PFKP: variants seen among roughly 807,000 people sequenced by gnomAD.
The protein encoded by PFKP is ATP-dependent 6-phosphofructokinase, platelet type.
PFKP carries 101 observed loss-of-function variants against 94.3 expected under a neutral mutation model. The observed-to-expected ratio is 1.07, with a 90% CI of 0.91 to 1.26. The LOEUF (loss-of-function observed/expected upper bound fraction) is 1.26. Among genes scored for constraint, PFKP ranks in the 50% most tolerant of loss-of-function variants. The pLI is 0.00. For missense variants in PFKP, 1,145 were observed against 1,103.3 expected (o/e 1.04, Z -0.53); for synonymous variants, 573 against 432.6 (o/e 1.32, Z -4.03).
intron 16 of PFKP, chr10:3,125,378 C>T (rs535720326): frequency 5.9e-6 from 4 of 674,802 alleles, no homozygotes; most frequent in East Asian, 2.2e-4. Flanking sequence ...CTTTATGTCA[C>T]ACTGGCCAGA....
intron 20 of PFKP, 135 bp downstream of exon 20, chr10:3,134,717 A>G (rs1169638695): frequency 3.4e-6 from 2 of 596,066 alleles, no homozygotes; most frequent in Admixed American, 5.4e-5. Context: ...GTGATGTTTT[A>G]CTCCTGATCT....
intron 17 of PFKP, among the ~76,000 whole-genome samples, chr10:3,130,259 C>T (rs191838506): frequency 9.2e-4 from 140 of 152,318 alleles, no homozygotes; most frequent in African/African-American, 3.0e-3. Context: ...TGTTGTCTCA[C>T]TTATGTCACC....
intron 3 of PFKP, 112 bp downstream of exon 3, chr10:3,099,464 C>A: frequency 1.2e-6 from 1 of 817,784 alleles, no homozygotes; most frequent in Non-Finnish European, 2.1e-6. Flanking sequence ...ATTATGTGGA[C>A]AGAACAGACT....
chr10:3,135,065 C>T (rs1218370038), intron 20 of PFKP, among the ~76,000 whole-genome samples: 1 of 152,196 alleles, frequency 6.6e-6, no homozygotes, highest in African/African-American at 2.4e-5. Flanking sequence ...GTTACATATT[C>T]TAAGAAATCT....
chr10:3,128,235 C>G (rs1838168970), intron 16 of PFKP, among the ~76,000 whole-genome samples: 1 of 152,224 alleles, frequency 6.6e-6, no homozygotes, highest in African/African-American at 2.4e-5. Flanking sequence ...TTCCTGTCCT[C>G]ATGGAATTTG....
At chr10:3,121,779 A>G (rs1837430456) in intron 16 of PFKP, among the ~76,000 whole-genome samples, 2 of 133,704 alleles carry the variant, frequency 1.5e-5, no homozygotes, top group Admixed American at 1.5e-4. Context: ...TCTCGAAGCT[A>G]GGTTAAACAA....
intron 16 of PFKP, chr10:3,125,079 T>C: frequency 4.8e-6 from 6 of 1,240,562 alleles, no homozygotes; most frequent in South Asian, 4.4e-5. Flanking sequence ...CGCTAACCGC[T>C]TGGCCCTGCT....
rs142576165 is a variant in PFKP, at chr10:3,099,894, CTG to C, written c.264+547_264+548del. ...TGTGTGAATCTCGGTGTGTGTGTAACTGTGTGAGTCTGGTGTGTGTCTGTATG... is the reference window on the plus strand; with the variant it reads ...TGTGTGAATCTCGGTGTGTGTGTAACTGTGAGTCTGGTGTGTGTCTGTATG... On this transcript the variant is annotated intron_variant, in intron 3 of 21. Transcript: ENST00000381125. Among the ~76,000 whole-genome samples, 571 of 138,436 alleles carry C rather than the reference CTG, an allele frequency of 4.1e-3. 6 individuals are homozygous for C. Among genetic ancestry groups the C allele is most frequent in the Admixed American group, 0.02 (277 of 14,106 alleles). 90.8% of individuals were successfully genotyped at this position (138,436 alleles called of 152,430 possible).
At chr10:3,114,351 T>C (rs1165414479) in intron 13 of PFKP, among the ~76,000 whole-genome samples, 2 of 152,172 alleles carry the variant, frequency 1.3e-5, no homozygotes, top group Admixed American at 6.5e-5. Context: ...GGTTTCATCA[T>C]GTTGGCCAGG....
At chr10:3,127,912 C>G in intron 16 of PFKP, among the ~76,000 whole-genome samples, 1 of 152,208 alleles carries the variant, frequency 6.6e-6, no homozygotes, top group Non-Finnish European at 1.5e-5. Context: ...ATTTATTAAT[C>G]AAAGTGCACT....
At chr10:3,128,651 T>C (rs886333938) in intron 16 of PFKP, among the ~76,000 whole-genome samples, 4 of 142,726 alleles carry the variant, frequency 2.8e-5, no homozygotes, top group Non-Finnish European at 4.8e-5. Flanking sequence ...CCTCCTTCCA[T>C]GTGGGTGTGC....
At chr10:3,109,328 C>A (rs376179119) in intron 9 of PFKP, 27 bp from the exon 10 acceptor site, 1 of 1,606,540 alleles carries the variant, frequency 6.2e-7, no homozygotes, top group South Asian at 1.1e-5. Context: ...GGAGGCTGCC[C>A]CTGACCCACA....
intron 2 of PFKP, among the ~76,000 whole-genome samples, chr10:3,083,430 GAGA>G (rs1377567886): frequency 1.4e-4 from 21 of 152,284 alleles, no homozygotes; most frequent in Non-Finnish European, 2.9e-5. Context: ...CTTTAAAAAT[GAGA>G]AGAAGGTATT....
chr10:3,075,879 T>G (rs1588385626), intron 1 of PFKP, among the ~76,000 whole-genome samples: 1 of 128,452 alleles, frequency 7.8e-6, no homozygotes. Context: ...CACTCCAGCC[T>G]GGGCAACAGA....
intron 14 of PFKP, 130 bp downstream of exon 14, chr10:3,116,976 C>T (rs1315277092): frequency 1.1e-5 from 8 of 747,638 alleles, no homozygotes; most frequent in Non-Finnish European, 1.7e-5. Context: ...GGGGTGCAGG[C>T]AGTTACCGGT....
intron 5 of PFKP, 51 bp from the exon 6 acceptor site, chr10:3,105,064 G>A (rs767428881): frequency 3.8e-6 from 6 of 1,579,666 alleles, no homozygotes; most frequent in African/African-American, 2.7e-5. Flanking sequence ...TGCTCCCTCT[G>A]TTTCTCTGCT....
chr10:3,096,186 T>C (rs995698071), intron 2 of PFKP, among the ~76,000 whole-genome samples: 1 of 152,140 alleles, frequency 6.6e-6, no homozygotes, highest in African/African-American at 2.4e-5. Flanking sequence ...ACTAGTAAAA[T>C]GCTGGGTGGC....
chr10:3,082,256 T>A, intron 1 of PFKP, 132 bp from the exon 2 acceptor site: 1 of 568,276 alleles, frequency 1.8e-6, no homozygotes, highest in Non-Finnish European at 3.2e-6. Context: ...GAGGAGTGTG[T>A]GTACCCATTT....
intron 19 of PFKP, among the ~76,000 whole-genome samples, chr10:3,133,555 CGAG>C (rs1838858780): frequency 6.6e-6 from 1 of 152,192 alleles, no homozygotes; most frequent in African/African-American, 2.4e-5. Context: ...ATCAGCCTCC[CGAG>C]GAGATGGCAG....
Sources: allele counts gnomAD v4.1 joint callset (sites outside exome capture counted in the v4.1 genomes callset), GRCh38; gene constraint gnomAD v4.1.1; transcripts MANE v1.5; gene names NCBI Gene and HGNC (gene_info 2026-07-23, HGNC 2026-07-21).